The following EHBP1 variants were observed in gnomAD, a reference collection of about 807,000 sequenced individuals.
EHBP1 encodes the protein EH domain-binding protein 1.
In EHBP1, 55 loss-of-function variants were observed where a neutral mutation model predicts 144.0. The observed-to-expected ratio is 0.38, with a 90% CI of 0.31 to 0.48. The LOEUF (loss-of-function observed/expected upper bound fraction) is 0.48. EHBP1 is among the 20% of genes least tolerant of loss of function. The probability of loss-of-function intolerance (pLI) is 0.98; values close to 1 mark genes in which losing one functional copy is unlikely to be tolerated. For missense variants in EHBP1, 1,200 were observed against 1,364.2 expected, an observed-to-expected ratio of 0.88 and a Z score of 1.90; for synonymous variants, 469 against 472.7, an observed-to-expected ratio of 0.99 and a Z score of 0.10.
In EHBP1 at chr2:63,045,613, T is replaced by G; in HGVS notation, c.*113T>G. On this transcript the variant is annotated 3_prime_UTR_variant, in exon 23 of 23. Coordinates refer to ENST00000431489, the MANE Select transcript of EHBP1 (RefSeq NM_001142616.3). This position sits in a 1 kb window ranked among gnomAD's most constrained non-coding sequence, Gnocchi z 5.7. ...TTTAACATTTTGTTTGGCTGGATTGTACTACTTTACCTCTACTTTACCACC... is the reference window on the plus strand; with the variant it reads ...TTTAACATTTTGTTTGGCTGGATTGGACTACTTTACCTCTACTTTACCACC... 1 of 835,750 alleles carries G rather than the reference T, an allele frequency of 1.2e-6. No homozygotes were observed. Among genetic ancestry groups the G allele is most frequent in the South Asian group, 1.7e-5 (1 of 60,556 alleles). 51.8% of individuals were successfully genotyped at this position (835,750 alleles called of 1,614,324 possible). A position where few individuals can be genotyped will look rare whatever the true frequency, so the allele number is the denominator to read the frequency against.
Position 62,990,732 on chromosome 2 carries a change from G to T in EHBP1, c.2625G>T (p.Leu875Phe). 1 of 1,613,812 alleles carries T rather than the reference G, an allele frequency of 6.2e-7. No homozygotes were observed. The highest frequency in any genetic ancestry group is 1.7e-5 in the Admixed American group (1 of 60,002). ...SKASGEQNSK[L>F]VDLKLKKLLE... Reference sequence around the variant, plus strand: ...ATTTAACAGAACAAAACAGTAAGTTGGTGGACTTGAAGCTGAAGAAGCTCC... The same window carrying T: ...ATTTAACAGAACAAAACAGTAAGTTTGTGGACTTGAAGCTGAAGAAGCTCC... Residue 875 changes from leucine to phenylalanine, a missense_variant, in exon 16 of 23, where the codon TTG becomes TTT. Leu to Phe is a conservative substitution (Grantham distance 22). Transcript: ENST00000431489.
intron 21 of EHBP1, chr2:63,043,920 C>CCT (rs2061796453): frequency 4.3e-4 from 4 of 9,384 alleles, no homozygotes; most frequent in Admixed American, 1.4e-3. Flanking sequence ...GGCCATGGTT[C>CCT]TTTTTTTTTT....
At position 62,707,168 on chromosome 2, in the gene EHBP1, G is replaced by A. The variant is rs1171193405; in HGVS notation, c.-24G>A. On this transcript the variant is annotated 5_prime_UTR_variant, in exon 2 of 23. Coordinates refer to ENST00000431489, the MANE Select transcript of EHBP1 (RefSeq NM_001142616.3). ...GCTGCTGTATTGCTAACCCAGAACT[G>A]CTCCAGTGTCTTGACTGATCATCAT... 6.3e-7 allele frequency: 1 copy of A among 1,596,108 alleles called. No individual in the cohort carries two copies.
chr2:62,995,190 AT>A (rs1178671181), intron 18 of EHBP1, among the ~76,000 whole-genome samples: 3 of 151,858 alleles, frequency 2.0e-5, no homozygotes, highest in Admixed American at 1.3e-4. Context: ...CTATTATTTT[AT>A]TTTTTTCTGT....
intron 2 of EHBP1, among the ~76,000 whole-genome samples, chr2:62,746,339 G>A (rs2039150058): frequency 6.6e-6 from 1 of 151,936 alleles, no homozygotes; most frequent in Admixed American, 6.6e-5. Context: ...TAGGTTTGTA[G>A]GTGGATCGCT....
At chr2:62,715,718 T>C (rs1266442267) in intron 2 of EHBP1, among the ~76,000 whole-genome samples, 2 of 152,172 alleles carry the variant, frequency 1.3e-5, no homozygotes, top group African/African-American at 4.8e-5. Context: ...TTTTCAACTA[T>C]GTGAATGAGA....
intron 1 of EHBP1, among the ~76,000 whole-genome samples, chr2:62,697,655 C>T (rs2034147710): frequency 6.6e-6 from 1 of 152,150 alleles, no homozygotes; most frequent in Non-Finnish European, 1.5e-5. Flanking sequence ...CCAATACCTA[C>T]CAGAATGCTT....
intron 13 of EHBP1, among the ~76,000 whole-genome samples, chr2:62,953,369 A>C (rs1030112626): frequency 2.6e-5 from 4 of 151,938 alleles, no homozygotes; most frequent in African/African-American, 9.7e-5. Flanking sequence ...TCTATACAAT[A>C]TAATGTTAGG....
chr2:62,945,113 G>T (rs1335850997), intron 12 of EHBP1, among the ~76,000 whole-genome samples: 2 of 152,102 alleles, frequency 1.3e-5, no homozygotes, highest in Non-Finnish European at 2.9e-5. Context: ...AGATATTTTC[G>T]ATATTTTCAT....
intron 10 of EHBP1, among the ~76,000 whole-genome samples, chr2:62,905,540 C>G (rs907934591): frequency 3.9e-5 from 6 of 152,164 alleles, no homozygotes; most frequent in Admixed American, 2.6e-4. Context: ...AACGATCACT[C>G]TCGGTTGGGC....
chr2:62,709,691 A>G (rs2034949543), intron 2 of EHBP1, among the ~76,000 whole-genome samples: 1 of 152,078 alleles, frequency 6.6e-6, no homozygotes, highest in South Asian at 2.1e-4. Flanking sequence ...GTCTTATGAT[A>G]GGATCTGGAC....
chr2:63,036,890 G>A (rs904459922), intron 19 of EHBP1, among the ~76,000 whole-genome samples: 3 of 151,756 alleles, frequency 2.0e-5, no homozygotes, highest in African/African-American at 7.3e-5. Flanking sequence ...AAAATGTTCA[G>A]TTGTCACTCT....
At position 62,942,734 on chromosome 2, in the gene EHBP1, G is replaced by C. The variant is rs768508024; in HGVS notation, c.1202G>C (p.Ser401Thr). ...STSPKPSPIP[S>T]PVLGRKPNAS... ...TTTTTCTAGCCAAGCCCTATACCAAGTCCTGTTTTGGGGCGAAAGCCAAAT... is the reference window on the plus strand; with the variant it reads ...TTTTTCTAGCCAAGCCCTATACCAACTCCTGTTTTGGGGCGAAAGCCAAAT... Residue 401 changes from serine (S) to threonine (T), a missense_variant, in exon 11 of 23, where the codon AGT (serine) becomes ACT (threonine). Coordinates refer to ENST00000431489, the MANE Select transcript of EHBP1 (RefSeq NM_001142616.3). The C allele has an allele frequency of 1.9e-6, 3 of 1,605,738 alleles. No homozygotes were observed. The highest frequency in any genetic ancestry group is 2.6e-6 in the Non-Finnish European group (3 of 1,175,260).
intron 1 of EHBP1, among the ~76,000 whole-genome samples, chr2:62,694,461 G>A (rs902660622): frequency 6.6e-6 from 1 of 150,930 alleles, no homozygotes; most frequent in African/African-American, 2.4e-5. Context: ...GAAAAATTAA[G>A]GCTAGACAAA....
chr2:62,932,625 A>G (rs1347751710), intron 10 of EHBP1, among the ~76,000 whole-genome samples: 6 of 152,320 alleles, frequency 3.9e-5, no homozygotes, highest in East Asian at 1.9e-4. Context: ...TTTCAAAACA[A>G]TGTGAATATA....
chr2:62,822,795 G>A lies in EHBP1; in HGVS notation c.313-3292G>A, dbSNP rs148491888. Among the ~76,000 whole-genome samples the A allele has an allele frequency of 6.7e-3, 1,013 of 152,226 alleles. 23 individuals are homozygous for A. The highest frequency in any genetic ancestry group is 0.047 in the Admixed American group (723 of 15,286). ...GAGGCTTAGATACATGAAGAAATCT[G>A]CCAAAGATTAACCAATGAATAAGTG... On this transcript the variant is annotated intron_variant, in intron 5 of 22. Coordinates refer to ENST00000431489, the MANE Select transcript of EHBP1 (RefSeq NM_001142616.3).
intron 1 of EHBP1, among the ~76,000 whole-genome samples, chr2:62,692,997 A>C (rs1479899532): frequency 6.6e-6 from 1 of 151,910 alleles, no homozygotes; most frequent in East Asian, 1.9e-4. Flanking sequence ...AATTATCCTC[A>C]TGACCCCTAC....
Position 62,740,014 on chromosome 2 carries a change from G to T in EHBP1, c.105-7381G>T, listed in dbSNP as rs532596701. Among the ~76,000 whole-genome samples the T allele has an allele frequency of 2.0e-5, 3 of 150,606 alleles. No homozygotes were observed. The East Asian group carries it at 5.8e-4, about 29-fold the overall frequency. ...GATATTTATTTATTTATTTATTTTG[G>T]TGGCCCATCTGAAAGTACACTCTGC... On this transcript the variant is annotated intron_variant, in intron 2 of 22. Coordinates refer to ENST00000431489, the MANE Select transcript of EHBP1 (RefSeq NM_001142616.3).
chr2:62,968,579 T>C (rs755766178), intron 14 of EHBP1, among the ~76,000 whole-genome samples: 2 of 152,180 alleles, frequency 1.3e-5, no homozygotes, highest in Non-Finnish European at 2.9e-5. Context: ...GTCTTATTTA[T>C]CTGAATGGAA....
Sources: gnomAD v4.1 joint callset for allele counts (sites outside exome capture counted in the v4.1 genomes callset) on GRCh38, gnomAD v4.1.1 for gene constraint, Gnocchi (gnomAD v3.1) non-coding constraint, MANE v1.5 for transcripts, NCBI Gene and HGNC (gene_info 2026-07-23, HGNC 2026-07-21) for gene names.